Variants in DENND2A observed in about 807,000 individuals in gnomAD.
The protein encoded by DENND2A is DENN domain-containing protein 2A.
In DENND2A, 53 loss-of-function variants were observed where a neutral mutation model predicts 105.3. That is an observed-to-expected ratio of 0.50 (90% CI 0.40 to 0.63). The LOEUF (loss-of-function observed/expected upper bound fraction) is 0.63. Among genes scored for constraint, DENND2A ranks in the 30% least tolerant of loss-of-function variants. The pLI, the probability that DENND2A is intolerant of heterozygous loss-of-function variation, is 0.00. For synonymous variants in DENND2A, 522 were observed against 508.4 expected (o/e 1.03, Z -0.36); for missense variants, 1,138 against 1,279.6 (o/e 0.89, Z 1.69).
Position 140,573,898 on chromosome 7 carries a change from G to A in DENND2A, c.1356C>T (p.Ile452=), listed in dbSNP as rs750277848. ...GGCTGCTGGGAGTGGAGGGAGGGCT[G>A]ATTTTGGAAGGGGACCCAGTTCCAT... is the stretch of plus-strand genomic sequence containing the variant. ...SRDGTGSPSK[I]SPPSTPSSPD... is the part of the protein sequence containing the mutation. The change falls in exon 6 of 20, where the codon ATC becomes ATT. Residue 452 remains isoleucine (I), a synonymous_variant. Transcript: ENST00000496613. 1 of 1,614,172 alleles carries A rather than the reference G, an allele frequency of 6.2e-7. No homozygotes were observed. Among genetic ancestry groups the A allele is most frequent in the Non-Finnish European group, 8.5e-7 (1 of 1,180,036 alleles).
Position 140,523,970 on chromosome 7 carries a change from C to T in DENND2A, c.2548-546G>A, listed in dbSNP as rs752745426. Among the ~76,000 whole-genome samples, 1 of 152,154 alleles carries T rather than the reference C, an allele frequency of 6.6e-6. No homozygotes were observed. Among genetic ancestry groups the T allele is most frequent in the Non-Finnish European group, 1.5e-5 (1 of 68,036 alleles). On this transcript the variant is annotated intron_variant, in intron 16 of 19. Transcript: ENST00000496613. This position sits in a 1 kb window ranked among gnomAD's most constrained non-coding sequence, Gnocchi z 4.5. ...CTTGTTGTGAAGCTACAATGGACTA[C>T]AATTACCCTGTGAAAGGGCTTGGCA...
chr7:140,551,123 A>AGC (rs1797118398), intron 12 of DENND2A, among the ~76,000 whole-genome samples: 1 of 151,380 alleles, frequency 6.6e-6, no homozygotes, highest in African/African-American at 2.4e-5. Context: ...CAACATGGTG[A>AGC]AATCCCGTCT....
At chr7:140,633,074 G>T (rs1161334748) in intron 1 of DENND2A, among the ~76,000 whole-genome samples, 4 of 151,004 alleles carry the variant, frequency 2.6e-5, no homozygotes, top group Non-Finnish European at 2.9e-5. Flanking sequence ...TGCCGCCCAG[G>T]CTGGAGTGCA....
At position 140,523,572 on chromosome 7, in the gene DENND2A, A is replaced by G. The variant is rs1275476480; in HGVS notation, c.2548-148T>C. On this transcript the variant is annotated intron_variant, in intron 16 of 19. Transcript: ENST00000496613. This position sits in a 1 kb window ranked among gnomAD's most constrained non-coding sequence, Gnocchi z 4.5. ...TGAAAGCCAGAGGTCTGAGGTTTCA[A>G]TCTTGAGCCTACTTTTTTTTTTGAG... The G allele has an allele frequency of 7.6e-6, 5 of 658,016 alleles. No homozygotes were observed. In the East Asian group the frequency reaches 1.1e-4, roughly 14 times the overall value. 40.8% of individuals were successfully genotyped at this position (658,016 alleles called of 1,614,324 possible). A position where few individuals can be genotyped will look rare whatever the true frequency, so the allele number is the denominator to read the frequency against.
intron 18 of DENND2A, among the ~76,000 whole-genome samples, chr7:140,521,144 G>A (rs540002476): frequency 6.6e-6 from 1 of 152,264 alleles, no homozygotes; most frequent in East Asian, 1.9e-4. Context: ...CGAAAGTGCT[G>A]GGATTACAGG....
chr7:140,622,404 A>AT (rs1172231830), intron 1 of DENND2A, among the ~76,000 whole-genome samples: 1 of 152,206 alleles, frequency 6.6e-6, no homozygotes. Context: ...TCAAAAAAAA[A>AT]AAAATTAATT....
chr7:140,567,296 AAGAG>A, intron 8 of DENND2A, 23 bp from the exon 9 acceptor site: 2 of 830,708 alleles, frequency 2.4e-6, no homozygotes, highest in Non-Finnish European at 1.7e-6. Flanking sequence ...GGGAGAGAGA[AAGAG>A]AGAAAGAGAG....
At chr7:140,561,498 C>CTTTTTTTTTTTTTTTTTTTTTTTGTT (rs536896244) in intron 9 of DENND2A, among the ~76,000 whole-genome samples, 1 of 102,518 alleles carries the variant, frequency 9.8e-6, no homozygotes, top group African/African-American at 3.6e-5. Flanking sequence ...TTTCTGTTGT[C>CTTTTTTTTTTTTTTTTTTTTTTTGTT]TTTTTTTTTT....
chr7:140,544,897 A>G, intron 13 of DENND2A, 131 bp from the exon 14 acceptor site: 2 of 1,459,166 alleles, frequency 1.4e-6, no homozygotes, highest in Non-Finnish European at 1.8e-6. Context: ...AGGGAAAGAA[A>G]AAAAGCAAAA....
chr7:140,602,450 C>T lies in DENND2A; in HGVS notation c.-53G>A, dbSNP rs1032791308. ...GCCTTCCAGGGGACTCCTTCTGAAGCCTGACTCCTGATCAGTCTCTAGGAA... is the reference window on the plus strand; with the variant it reads ...GCCTTCCAGGGGACTCCTTCTGAAGTCTGACTCCTGATCAGTCTCTAGGAA... On this transcript the variant is annotated 5_prime_UTR_variant, in exon 3 of 20. Transcript: ENST00000496613. The T allele has an allele frequency of 7.5e-5, 112 of 1,496,008 alleles. No homozygotes were observed. The highest frequency in any genetic ancestry group is 9.3e-5 in the Non-Finnish European group (105 of 1,127,546). 92.7% of individuals were successfully genotyped at this position (1,496,008 alleles called of 1,614,324 possible). A position where few individuals can be genotyped will look rare whatever the true frequency, so the allele number is the denominator to read the frequency against.
intron 14 of DENND2A, among the ~76,000 whole-genome samples, chr7:140,529,256 C>T (rs563927519): frequency 1.3e-5 from 2 of 152,128 alleles, no homozygotes; most frequent in Non-Finnish European, 2.9e-5. Context: ...GTCAGCAGTT[C>T]GAGACCAGTC....
At chr7:140,581,139 C>A (rs1798524868) in intron 5 of DENND2A, among the ~76,000 whole-genome samples, 1 of 151,992 alleles carries the variant, frequency 6.6e-6, no homozygotes, top group Non-Finnish European at 1.5e-5. Context: ...GTGGCCTGTG[C>A]CTGTAATCTC....
At chr7:140,521,704 G>C in intron 18 of DENND2A, 151 bp downstream of exon 18, 1 of 1,296,202 alleles carries the variant, frequency 7.7e-7, no homozygotes. Context: ...CTTCCTACCA[G>C]CTCAGTCAGG....
chr7:140,551,244 G>C (rs987521330), intron 12 of DENND2A, among the ~76,000 whole-genome samples: 4 of 141,364 alleles, frequency 2.8e-5, no homozygotes, highest in Non-Finnish European at 4.5e-5. Context: ...AGGTTGCAGT[G>C]AGCCAAGATC....
At position 140,589,497 on chromosome 7, in the gene DENND2A, G is replaced by A. The variant is rs140811231; in HGVS notation, c.996-1717C>T. Among the ~76,000 whole-genome samples, 4 of 152,290 alleles carry A rather than the reference G, an allele frequency of 2.6e-5. No homozygotes were observed. In the East Asian group the frequency reaches 7.7e-4, roughly 29 times the overall value. On this transcript the variant is annotated intron_variant, in intron 3 of 19. Transcript: ENST00000496613. ...AGCCAGGCAGTTTCTCCCACTCTCA[G>A]GGCCAGGGTAGTAACCACCACCTAC...
intron 3 of DENND2A, among the ~76,000 whole-genome samples, chr7:140,595,014 ATTTTGTT>A (rs1027855414): frequency 1.3e-5 from 2 of 148,344 alleles, no homozygotes; most frequent in Admixed American, 6.7e-5. Flanking sequence ...TTGCTGGACC[ATTTTGTT>A]TTTTGAGATG....
At chr7:140,586,657 G>C (rs1798796223) in intron 4 of DENND2A, among the ~76,000 whole-genome samples, 1 of 152,196 alleles carries the variant, frequency 6.6e-6, no homozygotes, top group South Asian at 2.1e-4. Context: ...ATCCTCTTGG[G>C]CAGTCACTGC....
intron 1 of DENND2A, among the ~76,000 whole-genome samples, chr7:140,620,602 T>C (rs1800252941): frequency 6.6e-6 from 1 of 152,226 alleles, no homozygotes. Flanking sequence ...AACGCTGCTG[T>C]TGTCTGTGGG....
chr7:140,559,604 A>C lies in DENND2A; in HGVS notation c.1889+104T>G, dbSNP rs552061513. 2.5e-6 allele frequency: 2 copies of C among 814,398 alleles called. No homozygotes were observed. Among genetic ancestry groups the C allele is most frequent in the African/African-American group, 1.7e-5 (1 of 58,014 alleles). The allele number at this position is 814,398 out of a possible 1,614,324, so 50.4% of individuals were successfully genotyped here. On this transcript the variant is annotated intron_variant, in intron 10 of 19. Coordinates refer to ENST00000496613, the MANE Select transcript of DENND2A (RefSeq NM_015689.5). The surrounding 1 kb of genome is among the most constrained non-coding windows in gnomAD (Gnocchi z 4.1). ...AAAGCTCTAGGCCAGGCCCATCAGG[A>C]TTACTTAACGGTGGGAATGACTCAT...
Sources: gnomAD v4.1 joint callset for allele counts (sites outside exome capture counted in the v4.1 genomes callset) on GRCh38, gnomAD v4.1.1 for gene constraint, Gnocchi (gnomAD v3.1) non-coding constraint, MANE v1.5 for transcripts, NCBI Gene and HGNC (gene_info 2026-07-23, HGNC 2026-07-21) for gene names.